The following ANXA10 variants were observed in gnomAD, a reference collection of about 807,000 sequenced individuals.
ANXA10 encodes annexin 14.
A neutral mutation model predicts 53.5 loss-of-function variants in ANXA10; 49 were observed. That is an observed-to-expected ratio of 0.92 (90% confidence interval 0.73 to 1.16). The LOEUF is 1.16. ANXA10 is among the 50% of genes most tolerant of loss of function. The probability of loss-of-function intolerance (pLI) is 0.00; values close to 1 mark genes in which losing one functional copy is unlikely to be tolerated. For synonymous variants in ANXA10, 131 were observed against 128.9 expected (o/e 1.02, Z -0.11); for missense variants, 393 against 394.4 (o/e 1.00, Z 0.03).
intron 3 of ANXA10, among the ~76,000 whole-genome samples, chr4:168,152,440 A>T (rs1435025425): frequency 6.6e-6 from 1 of 152,194 alleles, no homozygotes; most frequent in East Asian, 1.9e-4. Flanking sequence ...AGAAGATATT[A>T]TGTATCTTGT....
chr4:168,174,822 G>C (rs545609448), intron 6 of ANXA10, among the ~76,000 whole-genome samples: 1 of 152,322 alleles, frequency 6.6e-6, no homozygotes, highest in Admixed American at 6.5e-5. Flanking sequence ...AAGAGTTTGA[G>C]GTGGAGGGAG....
chr4:168,103,981 G>A (rs767045803), intron 1 of ANXA10, among the ~76,000 whole-genome samples: 12 of 151,854 alleles, frequency 7.9e-5, no homozygotes, highest in South Asian at 6.2e-4. Context: ...AGACTGGGGC[G>A]CTGGAAAGGG....
At chr4:168,135,434 T>C (rs1731221166) in intron 2 of ANXA10, among the ~76,000 whole-genome samples, 3 of 152,152 alleles carry the variant, frequency 2.0e-5, no homozygotes. Flanking sequence ...GAGAAAGAAT[T>C]TAAAATTGCA....
At chr4:168,167,040 G>T (rs1188229190) in intron 6 of ANXA10, among the ~76,000 whole-genome samples, 2 of 152,050 alleles carry the variant, frequency 1.3e-5, no homozygotes, top group African/African-American at 4.8e-5. Context: ...GTAGATAATT[G>T]TCTATTCTTT....
chr4:168,177,849 G>A (rs763342091), intron 7 of ANXA10, 41 bp from the exon 8 acceptor site: 1 of 1,613,974 alleles, frequency 6.2e-7, no homozygotes, highest in South Asian at 1.1e-5. Flanking sequence ...AAATGGGCTG[G>A]AGTGGTTCTG....
intron 3 of ANXA10, among the ~76,000 whole-genome samples, chr4:168,141,845 T>C (rs1398060028): frequency 6.6e-6 from 1 of 152,174 alleles, no homozygotes; most frequent in Non-Finnish European, 1.5e-5. Flanking sequence ...GTTTTTCTGC[T>C]TCTGCCGTAA....
chr4:168,158,354 T>C (rs1009027942), intron 3 of ANXA10, among the ~76,000 whole-genome samples: 2 of 152,220 alleles, frequency 1.3e-5, no homozygotes, highest in African/African-American at 4.8e-5. Context: ...TTGTCAAATA[T>C]GTGAAGTGAC....
At chr4:168,118,071 A>G (rs1412255384) in intron 1 of ANXA10, among the ~76,000 whole-genome samples, 1 of 152,138 alleles carries the variant, frequency 6.6e-6, no homozygotes, top group East Asian at 1.9e-4. Context: ...AACTCCACAC[A>G]GTATCACTGC....
intron 1 of ANXA10, among the ~76,000 whole-genome samples, chr4:168,098,860 T>C (rs1422962245): frequency 6.6e-6 from 1 of 151,954 alleles, no homozygotes; most frequent in East Asian, 1.9e-4. Context: ...CACAAGATAA[T>C]GTGTTTTATA....
intron 1 of ANXA10, among the ~76,000 whole-genome samples, chr4:168,105,542 T>C (rs1222007049): frequency 6.6e-6 from 1 of 152,070 alleles, no homozygotes. Flanking sequence ...ATTGATTCCA[T>C]GTCTTTGCTA....
At chr4:168,177,393 A>ACACTCATTTCTAACACC (rs1732150900) in intron 6 of ANXA10, among the ~76,000 whole-genome samples, 1 of 152,200 alleles carries the variant, frequency 6.6e-6, no homozygotes. Context: ...AACAATGTTA[A>ACACTCATTTCTAACACC]CACTCATTTC....
At chr4:168,103,312 C>A (rs78937937) in intron 1 of ANXA10, among the ~76,000 whole-genome samples, 3,589 of 151,946 alleles carry the variant, frequency 0.024, 135 homozygotes, top group African/African-American at 0.078. Flanking sequence ...CTATTAAGGT[C>A]TATGACAAAT....
At chr4:168,097,091 A>G in intron 1 of ANXA10, among the ~76,000 whole-genome samples, 1 of 151,896 alleles carries the variant, frequency 6.6e-6, no homozygotes, top group Non-Finnish European at 1.5e-5. Flanking sequence ...AGTAGATTGT[A>G]TCATGCAAAA....
intron 1 of ANXA10, among the ~76,000 whole-genome samples, chr4:168,116,996 G>C (rs2319705): frequency 3.0e-4 from 45 of 151,008 alleles, no homozygotes; most frequent in Admixed American, 6.6e-4. Flanking sequence ...TTTTCACACA[G>C]ACACACACAC....
chr4:168,127,069 A>C (rs995648925), intron 1 of ANXA10, among the ~76,000 whole-genome samples: 6 of 152,158 alleles, frequency 3.9e-5, no homozygotes, highest in South Asian at 2.1e-4. Context: ...TGCTGTGGGA[A>C]GGCATGAATT....
intron 1 of ANXA10, among the ~76,000 whole-genome samples, chr4:168,115,497 G>A (rs868463058): frequency 7.3e-5 from 10 of 136,420 alleles, no homozygotes; most frequent in Non-Finnish European, 1.1e-4. Flanking sequence ...CAATACACAC[G>A]CACACACACA....
intron 1 of ANXA10, among the ~76,000 whole-genome samples, chr4:168,095,893 G>C (rs574968977): frequency 2.6e-5 from 4 of 152,214 alleles, no homozygotes; most frequent in African/African-American, 9.6e-5. Context: ...GAAAAACTTA[G>C]CAGCGGTATC....
At chr4:168,168,568 T>A (rs1731923996) in intron 6 of ANXA10, among the ~76,000 whole-genome samples, 1 of 152,082 alleles carries the variant, frequency 6.6e-6, no homozygotes, top group Non-Finnish European at 1.5e-5. Flanking sequence ...TACAGGCACG[T>A]GCCACCAAGC....
intron 1 of ANXA10, among the ~76,000 whole-genome samples, chr4:168,099,910 C>G (rs187513880): frequency 6.6e-6 from 1 of 152,096 alleles, no homozygotes; most frequent in Non-Finnish European, 1.5e-5. Flanking sequence ...TGTCTGCCAA[C>G]AATAACAGAG....
Sources: gnomAD v4.1 joint callset for allele counts (sites outside exome capture counted in the v4.1 genomes callset) on GRCh38, gnomAD v4.1.1 for gene constraint, MANE v1.5 for transcripts, NCBI Gene and HGNC (gene_info 2026-07-23, HGNC 2026-07-21) for gene names.